The following NPHP4 variants were observed in gnomAD, a reference collection of about 807,000 sequenced individuals.
NPHP4 encodes the protein nephrocystin-4.
Under a neutral mutation model 155.8 loss-of-function variants are expected in NPHP4, and 151 were observed. That is an observed-to-expected ratio of 0.97 (90% CI 0.85 to 1.11). The LOEUF (loss-of-function observed/expected upper bound fraction) is 1.11, where lower values mean the gene tolerates loss of function less well. Ranked by LOEUF, NPHP4 falls within the 50% of genes least tolerant of loss-of-function variation. The pLI, the probability that NPHP4 is intolerant of heterozygous loss-of-function variation, is 0.00. For synonymous variants in NPHP4, 845 were observed against 816.8 expected (o/e 1.03, Z -0.59); for missense variants, 1,956 against 1,925.7 (o/e 1.02, Z -0.29).
At chr1:5,959,590 A>C (rs1262262348) in intron 6 of NPHP4, among the ~76,000 whole-genome samples, 1 of 152,188 alleles carries the variant, frequency 6.6e-6, no homozygotes, top group Non-Finnish European at 1.5e-5. Context: ...GGCAAGTCAC[A>C]AAGTGATGAC....
intron 22 of NPHP4, among the ~76,000 whole-genome samples, chr1:5,874,185 A>G (rs1642304773): frequency 6.9e-6 from 1 of 144,636 alleles, no homozygotes; most frequent in Admixed American, 6.8e-5. Context: ...ACGTCAATCC[A>G]TTAGATTCAC....
In NPHP4 at chr1:5,908,664, C is replaced by T. The variant is rs1395389997; in HGVS notation, c.1503+488G>A. Among the ~76,000 whole-genome samples the T allele has an allele frequency of 2.6e-5, 4 of 152,188 alleles. No homozygotes were observed. In the East Asian group the frequency reaches 7.7e-4, roughly 29 times the overall value. On this transcript the variant is annotated intron_variant, in intron 12 of 29. Transcript: ENST00000378156. ...AGTTCCAGCGCCACGGGGATCTGTGCGGTCGGACGTGCAACTGCCAGCAGC... is the reference window on the plus strand; with the variant it reads ...AGTTCCAGCGCCACGGGGATCTGTGTGGTCGGACGTGCAACTGCCAGCAGC...
chr1:5,933,089 A>T, intron 10 of NPHP4, 58 bp downstream of exon 10: 1 of 1,354,268 alleles, frequency 7.4e-7, no homozygotes, highest in Non-Finnish European at 1.0e-6. Flanking sequence ...TGCTTTTGAA[A>T]ATGAATGAAC....
At chr1:5,897,994 G>C (rs1245477691) in intron 16 of NPHP4, among the ~76,000 whole-genome samples, 1 of 152,250 alleles carries the variant, frequency 6.6e-6, no homozygotes, top group East Asian at 1.9e-4. Flanking sequence ...GAAGGCCCGG[G>C]AAAGAGGAGA....
chr1:5,872,517 G>C (rs1451224145), intron 23 of NPHP4, among the ~76,000 whole-genome samples: 1 of 152,168 alleles, frequency 6.6e-6, no homozygotes, highest in Non-Finnish European at 1.5e-5. Flanking sequence ...CAAAGCTGTG[G>C]CTGCACACTT....
intron 5 of NPHP4, among the ~76,000 whole-genome samples, chr1:5,962,990 C>A (rs533935047): frequency 2.0e-4 from 31 of 152,332 alleles, no homozygotes; most frequent in African/African-American, 7.2e-4. Context: ...TGGTCTCAGG[C>A]GGCTCAAGTC....
chr1:5,976,536 C>T (rs1049060874), intron 3 of NPHP4, among the ~76,000 whole-genome samples: 1 of 152,210 alleles, frequency 6.6e-6, no homozygotes, highest in African/African-American at 2.4e-5. Context: ...CCCGAGGGGA[C>T]CCCCTGCCCG....
At chr1:5,874,706 C>G in intron 21 of NPHP4, 49 bp from the exon 22 acceptor site, 2 of 1,587,162 alleles carry the variant, frequency 1.3e-6, no homozygotes, top group Non-Finnish European at 1.7e-6. Context: ...CCAGGAGGAC[C>G]CACAGGAGGC....
intron 16 of NPHP4, among the ~76,000 whole-genome samples, chr1:5,900,242 C>T (rs1355018789): frequency 3.3e-5 from 5 of 152,244 alleles, no homozygotes; most frequent in African/African-American, 9.6e-5. Flanking sequence ...ATTATGTACA[C>T]ACAACACCCT....
Position 5,978,403 on chromosome 1 carries a change from T to G in NPHP4, c.146A>C (p.Glu49Ala). The G allele has an allele frequency of 6.2e-7, 1 of 1,603,634 alleles. No individual in the cohort carries two copies. Among genetic ancestry groups the G allele is most frequent in the Non-Finnish European group, 8.5e-7 (1 of 1,175,286 alleles). The change falls in exon 3 of 30, where the codon GAG (glutamate) becomes GCG (alanine). Residue 49 changes from glutamate to alanine, a missense_variant. Glu to Ala is a moderately radical substitution (Grantham distance 107). Coordinates refer to ENST00000378156, the MANE Select transcript of NPHP4 (RefSeq NM_015102.5). ...DGPVIRQGVLEVLSEVECHLR... is the reference protein window; with the variant it reads ...DGPVIRQGVLAVLSEVECHLR... ...ATGGCATTCAACCTCTGACAGTACC[T>G]CCAGCACGCCCTAGGAGACAACGGG...
intron 6 of NPHP4, among the ~76,000 whole-genome samples, chr1:5,955,231 A>G (rs2102033990): frequency 6.6e-6 from 1 of 152,340 alleles, no homozygotes; most frequent in Admixed American, 6.5e-5. Context: ...ATAAAAGAAA[A>G]TAAGCATTGG....
At chr1:5,991,716 C>T (rs1656334421) in intron 1 of NPHP4, among the ~76,000 whole-genome samples, 7 of 151,844 alleles carry the variant, frequency 4.6e-5, no homozygotes, top group Admixed American at 3.9e-4. Context: ...CTCGCAGGGA[C>T]GCCCGAAGGC....
chr1:5,868,792 GCA>G (rs1468369185), intron 23 of NPHP4, among the ~76,000 whole-genome samples: 9 of 98,124 alleles, frequency 9.2e-5, no homozygotes, highest in East Asian at 6.3e-4. Flanking sequence ...CGCACACAAT[GCA>G]CACATACATG....
At chr1:5,935,234 T>C (rs1239249682) in intron 9 of NPHP4, among the ~76,000 whole-genome samples, 1 of 152,206 alleles carries the variant, frequency 6.6e-6, no homozygotes, top group Non-Finnish European at 1.5e-5. Context: ...TCTTTTCCCA[T>C]CACAATCGGA....
At chr1:5,864,290 G>C in intron 28 of NPHP4, 48 bp downstream of exon 28, 2 of 1,520,108 alleles carry the variant, frequency 1.3e-6, no homozygotes, top group African/African-American at 1.4e-5. Context: ...GCAGTGCCCT[G>C]GTATTGAGCC....
intron 16 of NPHP4, among the ~76,000 whole-genome samples, chr1:5,896,849 C>T (rs12058375): frequency 2.0e-5 from 3 of 151,988 alleles, no homozygotes; most frequent in African/African-American, 4.8e-5. Flanking sequence ...GAAAGCAGGA[C>T]GCGCTCAAAG....
In NPHP4 at chr1:5,863,189, A is replaced by G. The variant is rs998015284; in HGVS notation, c.*76T>C. The G allele has an allele frequency of 7.8e-5, 113 of 1,451,690 alleles. No individual in the cohort carries two copies. The highest frequency in any genetic ancestry group is 3.1e-4 in the East Asian group (13 of 41,712). 89.9% of individuals were successfully genotyped at this position (1,451,690 alleles called of 1,614,324 possible). ...AGTGAAAGGCTGCAGAGAGGCGGGG[A>G]GGACAGCCTGCAGGGCAGGAGGGGC... On this transcript the variant is annotated 3_prime_UTR_variant, in exon 30 of 30. Coordinates refer to ENST00000378156, the MANE Select transcript of NPHP4 (RefSeq NM_015102.5).
chr1:5,888,491 C>G, intron 17 of NPHP4: 3 of 1,256,638 alleles, frequency 2.4e-6, no homozygotes, highest in Non-Finnish European at 3.1e-6. Context: ...TGGGGGCTTC[C>G]GGTCGCCGCA....
At chr1:5,874,695 C>T (rs371430757) in intron 21 of NPHP4, 38 bp from the exon 22 acceptor site, 28 of 1,596,896 alleles carry the variant, frequency 1.8e-5, no homozygotes, top group Non-Finnish European at 2.3e-5. Flanking sequence ...GGCAGTTCTT[C>T]CCAGGAGGAC....
Sources: gnomAD v4.1 joint callset for allele counts (sites outside exome capture counted in the v4.1 genomes callset) on GRCh38, gnomAD v4.1.1 for gene constraint, MANE v1.5 for transcripts, NCBI Gene and HGNC (gene_info 2026-07-23, HGNC 2026-07-21) for gene names.